Variants in IDO2 observed in about 807,000 individuals in gnomAD.
IDO2 encodes indoleamine 2,3-dioxygenase-like 1 protein.
IDO2 carries 46 observed loss-of-function variants against 45.1 expected under a neutral mutation model. That is an observed-to-expected ratio of 1.02 (90% CI 0.80 to 1.30). The LOEUF is 1.30. IDO2 is among the 50% of genes most tolerant of loss of function. The probability of loss-of-function intolerance (pLI) is 0.00; values close to 1 mark genes in which losing one functional copy is unlikely to be tolerated. For missense variants in IDO2, 544 were observed against 491.8 expected (o/e 1.11, Z -1.00); for synonymous variants, 218 against 184.9 (o/e 1.18, Z -1.45).
chr8:40,011,738 A>T (rs1215721407), intron 9 of IDO2, among the ~76,000 whole-genome samples: 3 of 152,234 alleles, frequency 2.0e-5, no homozygotes, highest in Non-Finnish European at 4.4e-5. Context: ...TAATCCAATA[A>T]GGGAGATACT....
intron 5 of IDO2, among the ~76,000 whole-genome samples, chr8:39,984,036 A>C (rs767235237): frequency 1.6e-4 from 17 of 107,088 alleles, no homozygotes; most frequent in Non-Finnish European, 2.9e-4. Flanking sequence ...TCTGGGTAAG[A>C]ATTTGGATGA....
intron 3 of IDO2, among the ~76,000 whole-genome samples, chr8:39,975,853 T>C (rs1436584334): frequency 6.6e-6 from 1 of 151,948 alleles, no homozygotes; most frequent in Non-Finnish European, 1.5e-5. Context: ...ACTGTGAAAA[T>C]AAATAAACTG....
chr8:39,956,074 T>C (rs990395077), intron 2 of IDO2, among the ~76,000 whole-genome samples: 2 of 151,796 alleles, frequency 1.3e-5, no homozygotes, highest in Admixed American at 6.6e-5. Context: ...TTTTTTTTTT[T>C]TTTGAGACAG....
intron 7 of IDO2, 137 bp from the exon 8 acceptor site, chr8:39,989,584 A>G: frequency 1.6e-6 from 1 of 607,050 alleles, no homozygotes; most frequent in Non-Finnish European, 2.8e-6. Context: ...CCCACAGTGG[A>G]TCTAGCTTAG....
chr8:39,983,970 A>T (rs1456667672), intron 5 of IDO2, among the ~76,000 whole-genome samples: 1 of 152,144 alleles, frequency 6.6e-6, no homozygotes, highest in Non-Finnish European at 1.5e-5. Flanking sequence ...ATGAATTGTG[A>T]TCCTTGATTA....
intron 8 of IDO2, among the ~76,000 whole-genome samples, chr8:39,991,232 T>C (rs192435057): frequency 6.6e-6 from 1 of 152,340 alleles, no homozygotes; most frequent in East Asian, 1.9e-4. Flanking sequence ...GTATTTTCTC[T>C]ATTTCCTTGA....
intron 8 of IDO2, chr8:39,995,251 C>CCTTCTCCTTCTCCTTCTCCTTCTTCTT (rs1554548607): frequency 2.6e-5 from 2 of 78,030 alleles, no homozygotes; most frequent in African/African-American, 5.1e-5. Flanking sequence ...TTCTCCTTCT[C>CCTTCTCCTTCTCCTTCTCCTTCTTCTT]CTTCTTCTTC....
chr8:40,014,739 C>T (rs1192676358), intron 10 of IDO2, among the ~76,000 whole-genome samples: 3 of 152,184 alleles, frequency 2.0e-5, no homozygotes, highest in Non-Finnish European at 4.4e-5. Flanking sequence ...TCCTCTTCTC[C>T]ATCTCCTGTC....
At chr8:39,967,240 G>A (rs563478148) in intron 3 of IDO2, among the ~76,000 whole-genome samples, 1 of 152,224 alleles carries the variant, frequency 6.6e-6, no homozygotes, top group South Asian at 2.1e-4. Flanking sequence ...GCAGATGGGT[G>A]GAGGAAAAGT....
In IDO2 at chr8:39,986,624, G is replaced by A. The variant is rs572915841; in HGVS notation, c.449+1102G>A. Among the ~76,000 whole-genome samples the A allele has an allele frequency of 1.8e-3, 276 of 152,098 alleles. 4 individuals carry two copies. Among genetic ancestry groups the A allele is most frequent in the African/African-American group, 6.5e-3 (268 of 41,498 alleles). ...AAATGACAGCAGATCATTTAGAAAT[G>A]ATTCCTCTGTAACAGCCTTCCAGAT... is the stretch of plus-strand genomic sequence containing the variant. On this transcript the variant is annotated intron_variant, in intron 6 of 10. Transcript: ENST00000502986.
chr8:39,995,235 TTCTC>T (rs1563438251), intron 8 of IDO2: 10 of 92,040 alleles, frequency 1.1e-4, no homozygotes, highest in African/African-American at 4.2e-4. Context: ...CTCCTTCTCC[TTCTC>T]CTTCTCCTTC....
At chr8:39,979,023 G>T (rs923683206) in intron 3 of IDO2, 44 bp from the exon 4 acceptor site, 8 of 1,550,916 alleles carry the variant, frequency 5.2e-6, no homozygotes, top group Non-Finnish European at 7.0e-6. Context: ...CCCCTGTCCC[G>T]GTTCCCATCC....
chr8:39,958,643 G>A (rs1031100221), intron 2 of IDO2, among the ~76,000 whole-genome samples: 4 of 152,108 alleles, frequency 2.6e-5, no homozygotes, highest in Non-Finnish European at 5.9e-5. Context: ...TAGAGACGGG[G>A]TTTCACCATG....
At chr8:39,967,945 T>G (rs999780972) in intron 3 of IDO2, among the ~76,000 whole-genome samples, 1 of 152,092 alleles carries the variant, frequency 6.6e-6, no homozygotes, top group African/African-American at 2.4e-5. Flanking sequence ...CAGATTCTTA[T>G]AAAATGAAAC....
chr8:39,950,520 A>T (rs1388250893), intron 2 of IDO2, among the ~76,000 whole-genome samples: 1 of 152,180 alleles, frequency 6.6e-6, no homozygotes, highest in East Asian at 1.9e-4. Context: ...GTGTCACAGA[A>T]AAAGAATGAA....
intron 8 of IDO2, among the ~76,000 whole-genome samples, chr8:39,991,001 A>G (rs901965260): frequency 1.3e-5 from 2 of 152,140 alleles, no homozygotes; most frequent in African/African-American, 4.8e-5. Context: ...TTTTCCCTGA[A>G]TCTTGCTTCC....
chr8:39,972,862 T>G (rs1808201052), intron 3 of IDO2, among the ~76,000 whole-genome samples: 1 of 152,146 alleles, frequency 6.6e-6, no homozygotes, highest in Non-Finnish European at 1.5e-5. Context: ...CATTAGCATA[T>G]TTTAGCAATA....
intron 9 of IDO2, among the ~76,000 whole-genome samples, chr8:40,012,277 G>A (rs142514368): frequency 3.9e-5 from 6 of 152,270 alleles, no homozygotes; most frequent in Admixed American, 2.0e-4. Context: ...CTTGTTTCTG[G>A]CTATAGGAGG....
rs560701084 is a variant in IDO2 at position 40,009,041 on chromosome 8, G to T, written c.719+3663G>T. Among the ~76,000 whole-genome samples, 72 of 151,986 alleles carry T rather than the reference G, an allele frequency of 4.7e-4. 1 individual carries two copies. The highest frequency in any genetic ancestry group is 4.7e-3 in the Admixed American group (72 of 15,254). ...TTTATTTATTTATTTTTAGATGGAG[G>T]TCTCGCTTTGTCGCCCAGGCTGGAG... On this transcript the variant is annotated intron_variant, in intron 9 of 10. Coordinates refer to ENST00000502986, the Ensembl canonical transcript of IDO2.
Sources: allele counts gnomAD v4.1 joint callset (sites outside exome capture counted in the v4.1 genomes callset), GRCh38; gene constraint gnomAD v4.1.1; transcripts MANE v1.5; gene names NCBI Gene and HGNC (gene_info 2026-07-23, HGNC 2026-07-21).